Variants in UBR2 observed in about 807,000 individuals in gnomAD.
The protein encoded by UBR2 is E3 ubiquitin-protein ligase UBR2.
UBR2 carries 92 observed loss-of-function variants against 247.9 expected under a neutral mutation model. The ratio of observed to expected loss-of-function variants is 0.37; its 90% CI spans 0.31 to 0.44. The LOEUF is 0.44. Ranked by LOEUF, UBR2 falls within the 20% of genes least tolerant of loss-of-function variation. UBR2 has a pLI of 1.00. For missense variants in UBR2, 1,613 were observed against 2,112.6 expected (o/e 0.76, Z 4.64); for synonymous variants, 672 against 693.5 (o/e 0.97, Z 0.49).
intron 7 of UBR2, among the ~76,000 whole-genome samples, chr6:42,610,376 T>C (rs1262350860): frequency 6.6e-6 from 1 of 152,090 alleles, no homozygotes; most frequent in Non-Finnish European, 1.5e-5. Flanking sequence ...CAAAGAGATA[T>C]TTTACACCCC....
intron 7 of UBR2, among the ~76,000 whole-genome samples, chr6:42,606,988 A>G (rs1459708760): frequency 2.0e-5 from 3 of 152,154 alleles, no homozygotes; most frequent in Non-Finnish European, 4.4e-5. Context: ...TTATAATGCA[A>G]GCAAAGTTGT....
Position 42,594,240 on chromosome 6 carries a change from C to G in UBR2, c.467C>G (p.Ala156Gly), listed in dbSNP as rs1792834397. ...GGFCDCGDTEAWKEGPYCQKH... is the reference protein window; with the variant it reads ...GGFCDCGDTEGWKEGPYCQKH... ...TTCTGTGACTGTGGTGATACTGAAG[C>G]CTGGAAAGAGGGTCCTTACTGTCAA... is the stretch of plus-strand genomic sequence containing the variant. Residue 156 changes from alanine (A) to glycine (G), a missense_variant, in exon 4 of 47, where the codon GCC (alanine) becomes GGC (glycine). Ala to Gly is a moderately conservative substitution (Grantham distance 60, BLOSUM62 0). Coordinates refer to ENST00000372901, the MANE Select transcript of UBR2 (RefSeq NM_001363705.2). The G allele has an allele frequency of 1.2e-6, 2 of 1,612,976 alleles. No homozygotes were observed. Among genetic ancestry groups the G allele is most frequent in the Admixed American group, 1.7e-5 (1 of 59,964 alleles).
intron 21 of UBR2, among the ~76,000 whole-genome samples, chr6:42,646,036 C>G (rs992777174): frequency 6.6e-6 from 1 of 152,130 alleles, no homozygotes; most frequent in African/African-American, 2.4e-5. Context: ...AGAGAGTCTT[C>G]TTAATGACGA....
Position 42,614,924 on chromosome 6 carries a change from AAC to A in UBR2, c.986-145_986-144del, listed in dbSNP as rs1156507673. On this transcript the variant is annotated intron_variant, in intron 8 of 46. Transcript: ENST00000372901. Reference sequence around the variant, plus strand: ...TTCCTTTTTGTTAAAATATTAATAAAACAGTTAATATGTTTGCCTTTTCTGAA... The same window carrying A: ...TTCCTTTTTGTTAAAATATTAATAAAAGTTAATATGTTTGCCTTTTCTGAA... 5.4e-6 allele frequency: 3 copies of A among 553,018 alleles called. No individual in the cohort carries two copies. In the African/African-American group the frequency reaches 5.8e-5, roughly 11 times the overall value. The allele number at this position is 553,018 out of a possible 1,614,324, so 34.3% of individuals were successfully genotyped here.
chr6:42,587,239 A>G (rs1196785245), intron 2 of UBR2, among the ~76,000 whole-genome samples: 1 of 152,208 alleles, frequency 6.6e-6, no homozygotes, highest in African/African-American at 2.4e-5. Context: ...ACCCACATAT[A>G]TCTTGCTCCC....
chr6:42,624,521 G>A (rs146280459), intron 11 of UBR2, among the ~76,000 whole-genome samples: 5 of 152,202 alleles, frequency 3.3e-5, no homozygotes, highest in South Asian at 2.1e-4. Context: ...CTGAGACCAC[G>A]GCATTGCAGT....
At position 42,623,164 on chromosome 6, in the gene UBR2, CA is replaced by C. The variant is rs568144881; in HGVS notation, c.1281+5658del. 4.7e-4 allele frequency among the ~76,000 whole-genome samples: 71 copies of C among 152,208 alleles called. No homozygotes were observed. In the South Asian group the frequency reaches 4.8e-3, roughly 10 times the overall value. ...GAAATCTTTGTCTCATATCTGATCT[CA>C]GGGGGAAAACTTTTAATATTTTACC... On this transcript the variant is annotated intron_variant, in intron 11 of 46. Transcript: ENST00000372901.
intron 13 of UBR2, 51 bp downstream of exon 13, chr6:42,632,955 T>A: frequency 9.3e-7 from 1 of 1,069,772 alleles, no homozygotes; most frequent in Non-Finnish European, 1.2e-6. Flanking sequence ...TTTTCTCTTT[T>A]CTCTTTTTTT....
intron 3 of UBR2, among the ~76,000 whole-genome samples, chr6:42,593,534 T>C (rs1792793785): frequency 6.6e-6 from 1 of 152,220 alleles, no homozygotes; most frequent in African/African-American, 2.4e-5. Context: ...AAGCAGAATT[T>C]CTAGTCTACC....
chr6:42,606,135 C>T (rs1793683983), intron 6 of UBR2, among the ~76,000 whole-genome samples: 1 of 151,716 alleles, frequency 6.6e-6, no homozygotes, highest in Admixed American at 6.6e-5. Flanking sequence ...CCCAGCTACT[C>T]AGGAGGCTGA....
At chr6:42,666,504 A>T (rs999945831) in intron 34 of UBR2, among the ~76,000 whole-genome samples, 1 of 152,152 alleles carries the variant, frequency 6.6e-6, no homozygotes, top group Non-Finnish European at 1.5e-5. Flanking sequence ...ACAACAACAA[A>T]AAAAGTTTAA....
At chr6:42,619,962 A>G (rs1794871156) in intron 11 of UBR2, 4 of 902,052 alleles carry the variant, frequency 4.4e-6, no homozygotes, top group African/African-American at 1.8e-5. Context: ...TTGATGCTGT[A>G]GTAAACTTTT....
chr6:42,681,457 G>C (rs1043913066), intron 42 of UBR2, among the ~76,000 whole-genome samples: 1 of 152,178 alleles, frequency 6.6e-6, no homozygotes, highest in South Asian at 2.1e-4. Context: ...GGCTTAAATA[G>C]GCATTTCTCC....
chr6:42,643,527 C>T (rs796960892), intron 18 of UBR2, among the ~76,000 whole-genome samples: 125 of 152,130 alleles, frequency 8.2e-4, no homozygotes, highest in African/African-American at 2.9e-3. Context: ...ACTTGGGAGG[C>T]GGAGGTTGCA....
At position 42,670,734 on chromosome 6, in the gene UBR2, C is replaced by G. The variant is rs1798377087; in HGVS notation, c.4086+19C>G. On this transcript the variant is annotated intron_variant, in intron 36 of 46. Coordinates refer to ENST00000372901, the MANE Select transcript of UBR2 (RefSeq NM_001363705.2). ...CAGACTGGTAAGTTCTCAGTTTATT[C>G]AGTTCATGATAGTGGGGCATGGAAA... 1.3e-6 allele frequency: 2 copies of G among 1,599,788 alleles called. No homozygotes were observed. The highest frequency in any genetic ancestry group is 1.7e-6 in the Non-Finnish European group (2 of 1,171,896).
chr6:42,689,699 C>A lies in UBR2; in HGVS notation c.5126+29C>A. 6.3e-7 allele frequency: 1 copy of A among 1,592,968 alleles called. No individual in the cohort carries two copies. Among genetic ancestry groups the A allele is most frequent in the Non-Finnish European group, 8.6e-7 (1 of 1,161,054 alleles). ...AGAACCCATCCTGAGTTAGCTAACT[C>A]AGGGCCTGCAGCGCCCTTCCGTATG... On this transcript the variant is annotated intron_variant, in intron 46 of 46. Coordinates refer to ENST00000372901, the MANE Select transcript of UBR2 (RefSeq NM_001363705.2). The surrounding 1 kb of genome is among the most constrained non-coding windows in gnomAD (Gnocchi z 4.0).
At chr6:42,639,804 G>A (rs2151956650) in intron 15 of UBR2, among the ~76,000 whole-genome samples, 1 of 152,276 alleles carries the variant, frequency 6.6e-6, no homozygotes, top group East Asian at 1.9e-4. Flanking sequence ...GTGTGTATTA[G>A]TACATACAAC....
intron 13 of UBR2, among the ~76,000 whole-genome samples, chr6:42,634,907 G>T: frequency 6.6e-6 from 1 of 152,154 alleles, no homozygotes; most frequent in East Asian, 1.9e-4. Flanking sequence ...AATAAGTTCT[G>T]ACATACTAGA....
At chr6:42,599,536 T>C (rs1793219736) in intron 4 of UBR2, among the ~76,000 whole-genome samples, 1 of 152,232 alleles carries the variant, frequency 6.6e-6, no homozygotes, top group Non-Finnish European at 1.5e-5. Context: ...AATGATGCTC[T>C]TAACACAGTA....
Sources: allele counts gnomAD v4.1 joint callset (sites outside exome capture counted in the v4.1 genomes callset), GRCh38; gene constraint gnomAD v4.1.1; non-coding constraint Gnocchi (gnomAD v3.1); transcripts MANE v1.5; gene names NCBI Gene and HGNC (gene_info 2026-07-23, HGNC 2026-07-21).